The following TMEM108 variants were observed in gnomAD, a reference collection of about 807,000 sequenced individuals.
TMEM108 encodes the protein cancer/testis antigen 124.
TMEM108 carries 12 observed loss-of-function variants against 35.1 expected under a neutral mutation model. That is an observed-to-expected ratio of 0.34 (90% CI 0.22 to 0.55). The LOEUF is 0.55. Ranked by LOEUF, TMEM108 falls within the 20% of genes least tolerant of loss-of-function variation. The probability of loss-of-function intolerance (pLI) is 0.89; values close to 1 mark genes in which losing one functional copy is unlikely to be tolerated. For missense variants in TMEM108, 680 were observed against 753.3 expected, an observed-to-expected ratio of 0.90 and a Z score of 1.14; for synonymous variants, 287 against 308.6, an observed-to-expected ratio of 0.93 and a Z score of 0.73.
At chr3:133,106,188 T>G (rs1014666754) in intron 2 of TMEM108, among the ~76,000 whole-genome samples, 3 of 151,466 alleles carry the variant, frequency 2.0e-5, no homozygotes, top group Admixed American at 6.6e-5. Context: ...TTTTTTTTTT[T>G]TTTTTTTTTT....
intron 3 of TMEM108, among the ~76,000 whole-genome samples, chr3:133,265,931 C>T (rs1001325269): frequency 1.3e-5 from 2 of 152,060 alleles, no homozygotes; most frequent in Non-Finnish European, 1.5e-5. Flanking sequence ...TTGTGTTGTC[C>T]GGTGCCTCTT....
At chr3:133,388,675 T>C in intron 4 of TMEM108, 1 of 985,430 alleles carries the variant, frequency 1.0e-6, no homozygotes. Context: ...AAGTAGAAAC[T>C]TACCCTATCT....
At chr3:133,218,478 T>C (rs1945941000) in intron 2 of TMEM108, among the ~76,000 whole-genome samples, 1 of 152,034 alleles carries the variant, frequency 6.6e-6, no homozygotes, top group Non-Finnish European at 1.5e-5. Context: ...GTCTTGTTCC[T>C]GATCTTAAAG....
intron 3 of TMEM108, among the ~76,000 whole-genome samples, chr3:133,254,459 TA>T (rs1946516278): frequency 6.6e-6 from 1 of 152,166 alleles, no homozygotes; most frequent in Admixed American, 6.5e-5. Flanking sequence ...GGGACCCAGC[TA>T]AAACAAATGG....
At chr3:133,200,168 G>C (rs4254659) in intron 2 of TMEM108, among the ~76,000 whole-genome samples, 1 of 151,898 alleles carries the variant, frequency 6.6e-6, no homozygotes, top group Non-Finnish European at 1.5e-5. Flanking sequence ...CGTCTGTCAC[G>C]GCTTCCCTTG....
intron 2 of TMEM108, among the ~76,000 whole-genome samples, chr3:133,179,454 C>T (rs1159609172): frequency 6.6e-6 from 1 of 152,054 alleles, no homozygotes; most frequent in Admixed American, 6.6e-5. Context: ...GGCACATATA[C>T]ACCATGGAAT....
chr3:133,176,757 T>G (rs371423094), intron 2 of TMEM108, among the ~76,000 whole-genome samples: 314 of 152,096 alleles, frequency 2.1e-3, no homozygotes, highest in Middle Eastern at 0.01. Flanking sequence ...TTAAAAGAAC[T>G]AGAGAAGCAA....
rs376255752 is a variant in TMEM108, at chr3:133,380,440, C to T, written c.729C>T (p.Gly243=). The change falls in exon 4 of 6, where the codon GGC becomes GGT. Residue 243 remains glycine (G), a synonymous_variant. Coordinates refer to ENST00000321871, the MANE Select transcript of TMEM108 (RefSeq NM_023943.4). The surrounding 1 kb of genome is among the most constrained non-coding windows in gnomAD (Gnocchi z 5.3). ...STLTPRTPLW[G]YSSSPQPQTV... ...TCACCCCCAGGACCCCACTCTGGGGCTACTCCTCTTCACCACAGCCCCAGA... is the reference window on the plus strand; with the variant it reads ...TCACCCCCAGGACCCCACTCTGGGGTTACTCCTCTTCACCACAGCCCCAGA... 9.6e-5 allele frequency: 155 copies of T among 1,613,964 alleles called. No individual in the cohort carries two copies. The highest frequency in any genetic ancestry group is 1.3e-4 in the Non-Finnish European group (149 of 1,179,978).
In TMEM108 at chr3:133,396,084, C is replaced by A. The variant is rs183442663; in HGVS notation, c.*98C>A. Reference sequence around the variant, plus strand: ...AAATATAACCTTTGTGTAACCCTGACTTAATGAGAAACATTTTCAGCTTTT... The same window carrying A: ...AAATATAACCTTTGTGTAACCCTGAATTAATGAGAAACATTTTCAGCTTTT... On this transcript the variant is annotated 3_prime_UTR_variant, in exon 6 of 6. Coordinates refer to ENST00000321871, the MANE Select transcript of TMEM108 (RefSeq NM_023943.4). The A allele has an allele frequency of 3.3e-6, 3 of 921,364 alleles. No individual in the cohort carries two copies. Among genetic ancestry groups the A allele is most frequent in the African/African-American group, 3.5e-5 (2 of 57,020 alleles). 57.1% of individuals were successfully genotyped at this position (921,364 alleles called of 1,614,324 possible).
At chr3:133,269,980 G>A (rs1283176534) in intron 3 of TMEM108, among the ~76,000 whole-genome samples, 1 of 152,166 alleles carries the variant, frequency 6.6e-6, no homozygotes, top group Non-Finnish European at 1.5e-5. Flanking sequence ...GTTGGGGGAA[G>A]GGATGCTAAT....
chr3:133,177,530 A>G (rs1245882999), intron 2 of TMEM108, among the ~76,000 whole-genome samples: 2 of 152,174 alleles, frequency 1.3e-5, no homozygotes, highest in Non-Finnish European at 2.9e-5. Flanking sequence ...ATCAATAAAC[A>G]TAATCCAGCA....
chr3:133,083,853 T>C (rs1943846386), intron 2 of TMEM108, among the ~76,000 whole-genome samples: 1 of 150,804 alleles, frequency 6.6e-6, no homozygotes, highest in African/African-American at 2.4e-5. Flanking sequence ...TTCTCCTCCA[T>C]AGGGGCTAGT....
intron 3 of TMEM108, among the ~76,000 whole-genome samples, chr3:133,314,836 T>C (rs2107714165): frequency 6.6e-6 from 1 of 152,218 alleles, no homozygotes; most frequent in East Asian, 1.9e-4. Flanking sequence ...CTTATTACTA[T>C]TGATATAGCT....
At chr3:133,355,060 A>G (rs555937267) in intron 3 of TMEM108, among the ~76,000 whole-genome samples, 1 of 152,226 alleles carries the variant, frequency 6.6e-6, no homozygotes, top group Non-Finnish European at 1.5e-5. Flanking sequence ...CGCACCTACA[A>G]GAATTCCATA....
chr3:133,217,762 C>T (rs1208104293), intron 2 of TMEM108, among the ~76,000 whole-genome samples: 1 of 151,896 alleles, frequency 6.6e-6, no homozygotes. Context: ...TATTTCTGGG[C>T]TCTCTGTTCT....
chr3:133,385,716 A>C (rs1174226831), intron 4 of TMEM108, among the ~76,000 whole-genome samples: 1 of 152,228 alleles, frequency 6.6e-6, no homozygotes, highest in South Asian at 2.1e-4. Context: ...GAAGCCTAGT[A>C]TGCTTCTAAG....
rs940255853 is a variant in TMEM108 at position 133,138,040 on chromosome 3, A to G, written c.-46-91226A>G. Reference sequence around the variant, plus strand: ...GTTGTGTTATACAGATTAAAATGTTAATAGTTTTGGATGGCAATTGGAACT... The same window carrying G: ...GTTGTGTTATACAGATTAAAATGTTGATAGTTTTGGATGGCAATTGGAACT... On this transcript the variant is annotated intron_variant, in intron 2 of 5. Coordinates refer to ENST00000321871, the MANE Select transcript of TMEM108 (RefSeq NM_023943.4). Among the ~76,000 whole-genome samples the G allele has an allele frequency of 3.3e-5, 5 of 152,220 alleles. No individual in the cohort carries two copies. The East Asian group carries it at 9.6e-4, about 29-fold the overall frequency.
intron 2 of TMEM108, among the ~76,000 whole-genome samples, chr3:133,170,532 T>G (rs1421702780): frequency 6.6e-6 from 1 of 152,206 alleles, no homozygotes; most frequent in Non-Finnish European, 1.5e-5. Context: ...ATACTTAGTT[T>G]AAAATGTAGC....
At position 133,233,362 on chromosome 3, in the gene TMEM108, C is replaced by T. The variant is rs1324990619; in HGVS notation, c.40+4011C>T. Among the ~76,000 whole-genome samples, 17 of 146,174 alleles carry T rather than the reference C, an allele frequency of 1.2e-4. No individual in the cohort carries two copies. In the South Asian group the frequency reaches 3.5e-3, roughly 30 times the overall value. ...ATTTCATCCATGTCCCTACAAAGGA[C>T]ATAAACTCATCATTTTTTATGGCTG... On this transcript the variant is annotated intron_variant, in intron 3 of 5. Transcript: ENST00000321871.
Sources: allele counts gnomAD v4.1 joint callset (sites outside exome capture counted in the v4.1 genomes callset), GRCh38; gene constraint gnomAD v4.1.1; non-coding constraint Gnocchi (gnomAD v3.1); transcripts MANE v1.5; gene names NCBI Gene and HGNC (gene_info 2026-07-23, HGNC 2026-07-21).